Variants in ATP8A2 observed in about 807,000 individuals in gnomAD.
ATP8A2 encodes ATPase phospholipid transporting 8A2.
Under a neutral mutation model 165.6 loss-of-function variants are expected in ATP8A2, and 100 were observed. That is an observed-to-expected ratio of 0.60 (90% CI 0.51 to 0.71). The LOEUF is 0.71. Ranked by LOEUF, ATP8A2 falls within the 30% of genes least tolerant of loss-of-function variation. The pLI, the probability that ATP8A2 is intolerant of heterozygous loss-of-function variation, is 0.00. For missense variants in ATP8A2, 1,227 were observed against 1,479.5 expected (o/e 0.83, Z 2.80); for synonymous variants, 543 against 548.8 (o/e 0.99, Z 0.15).
intron 33 of ATP8A2, among the ~76,000 whole-genome samples, chr13:25,872,608 C>A (rs1409473235): frequency 2.0e-5 from 3 of 152,062 alleles, no homozygotes. Flanking sequence ...TGGGTAGAAG[C>A]GAATTGTTTG....
intron 33 of ATP8A2, among the ~76,000 whole-genome samples, chr13:25,923,473 A>G (rs943681392): frequency 6.6e-6 from 1 of 152,102 alleles, no homozygotes; most frequent in East Asian, 1.9e-4. Context: ...ACCTTTTTCA[A>G]CTTAAGAAAA....
At chr13:25,897,792 C>A (rs1442446794) in intron 33 of ATP8A2, among the ~76,000 whole-genome samples, 7 of 152,188 alleles carry the variant, frequency 4.6e-5, no homozygotes, top group Non-Finnish European at 7.3e-5. Flanking sequence ...ATTTCATCTT[C>A]CATCGCTGAT....
intron 33 of ATP8A2, among the ~76,000 whole-genome samples, chr13:25,910,623 T>C (rs959090516): frequency 6.6e-6 from 1 of 152,160 alleles, no homozygotes; most frequent in Non-Finnish European, 1.5e-5. Flanking sequence ...AACGGGTGTC[T>C]CCTATATTTA....
At chr13:25,567,994 T>C (rs530072055) in intron 16 of ATP8A2, among the ~76,000 whole-genome samples, 28 of 152,372 alleles carry the variant, frequency 1.8e-4, no homozygotes, top group East Asian at 3.9e-4. Flanking sequence ...ATCTAAATTG[T>C]CTTGGGACTA....
At chr13:25,615,388 C>T (rs746942069) in intron 24 of ATP8A2, among the ~76,000 whole-genome samples, 1 of 152,136 alleles carries the variant, frequency 6.6e-6, no homozygotes. Flanking sequence ...TCATTCCTAC[C>T]GTATGTCCCC....
At chr13:25,824,768 G>A (rs1409271) in intron 27 of ATP8A2, among the ~76,000 whole-genome samples, 24,468 of 151,840 alleles carry the variant, frequency 0.16, 2,129 homozygotes, top group Admixed American at 0.23. Flanking sequence ...CAAGTTGATT[G>A]TCATTTATAT....
chr13:25,698,514 G>A (rs888205168), intron 24 of ATP8A2, among the ~76,000 whole-genome samples: 6 of 152,168 alleles, frequency 3.9e-5, no homozygotes, highest in Admixed American at 6.5e-5. Context: ...GATTACAGGC[G>A]TGAACCACCG....
intron 25 of ATP8A2, among the ~76,000 whole-genome samples, chr13:25,736,860 A>G (rs1246828052): frequency 6.6e-6 from 1 of 152,150 alleles, no homozygotes; most frequent in African/African-American, 2.4e-5. Context: ...CACCCCAGGG[A>G]ATATAACCAG....
At chr13:25,536,142 C>T (rs1012050974) in intron 6 of ATP8A2, among the ~76,000 whole-genome samples, 1 of 152,080 alleles carries the variant, frequency 6.6e-6, no homozygotes, top group East Asian at 1.9e-4. Flanking sequence ...GACGGAGTCT[C>T]GCTCTGTTGC....
At chr13:25,902,685 T>C (rs1288311354) in intron 33 of ATP8A2, among the ~76,000 whole-genome samples, 2 of 152,198 alleles carry the variant, frequency 1.3e-5, no homozygotes, top group East Asian at 3.9e-4. Flanking sequence ...CTCCTCTTCC[T>C]ACATTTGCCC....
At chr13:25,617,685 T>C (rs2040861870) in intron 24 of ATP8A2, among the ~76,000 whole-genome samples, 1 of 152,210 alleles carries the variant, frequency 6.6e-6, no homozygotes. Context: ...TAATTTTTGT[T>C]ACAGTTCCAT....
chr13:25,817,604 G>C (rs1247758447), intron 27 of ATP8A2, among the ~76,000 whole-genome samples: 1 of 152,100 alleles, frequency 6.6e-6, no homozygotes, highest in Non-Finnish European at 1.5e-5. Context: ...TACCTCATCT[G>C]CTACATTTAT....
chr13:25,483,613 G>T (rs2036270364), intron 2 of ATP8A2, among the ~76,000 whole-genome samples: 2 of 152,212 alleles, frequency 1.3e-5, no homozygotes, highest in African/African-American at 4.8e-5. Context: ...AGAATTAAAT[G>T]AGAACATCTG....
intron 35 of ATP8A2, among the ~76,000 whole-genome samples, chr13:26,003,950 G>A (rs932984833): frequency 1.3e-5 from 2 of 152,110 alleles, no homozygotes; most frequent in African/African-American, 4.8e-5. Context: ...CACAGGGAGT[G>A]TGATGCCTTC....
intron 24 of ATP8A2, among the ~76,000 whole-genome samples, chr13:25,621,584 A>G (rs2040970191): frequency 6.6e-6 from 1 of 152,112 alleles, no homozygotes; most frequent in Non-Finnish European, 1.5e-5. Context: ...CACTCCAGCT[A>G]ATGCTGACAT....
intron 1 of ATP8A2, among the ~76,000 whole-genome samples, chr13:25,413,030 C>A (rs980778202): frequency 1.3e-5 from 2 of 152,064 alleles, no homozygotes; most frequent in African/African-American, 4.8e-5. Flanking sequence ...GTTGGCCAGG[C>A]TGGTCTTGAA....
At chr13:26,009,096 G>A (rs1027468357) in intron 35 of ATP8A2, among the ~76,000 whole-genome samples, 4 of 152,156 alleles carry the variant, frequency 2.6e-5, no homozygotes, top group Non-Finnish European at 1.5e-5. Context: ...GAAGAATGGC[G>A]AGTATAAGGA....
intron 25 of ATP8A2, among the ~76,000 whole-genome samples, chr13:25,720,372 C>T (rs1300606937): frequency 6.6e-6 from 1 of 151,848 alleles, no homozygotes; most frequent in Non-Finnish European, 1.5e-5. Context: ...CCGTGTTCAC[C>T]AGGATGGTCT....
At chr13:25,831,003 C>T (rs954340740) in intron 28 of ATP8A2, among the ~76,000 whole-genome samples, 1 of 152,112 alleles carries the variant, frequency 6.6e-6, no homozygotes, top group Admixed American at 6.6e-5. Context: ...TATTTAGCAA[C>T]TTTTCCAGTC....
Sources: allele counts gnomAD v4.1 joint callset (sites outside exome capture counted in the v4.1 genomes callset), GRCh38; gene constraint gnomAD v4.1.1; transcripts MANE v1.5; gene names NCBI Gene and HGNC (gene_info 2026-07-23, HGNC 2026-07-21).